The following EDA variants were observed in gnomAD, a reference collection of about 807,000 sequenced individuals.
The protein encoded by EDA is ectodysplasin-A.
A neutral mutation model predicts 23.6 loss-of-function variants in EDA; 2 were observed. The ratio of observed to expected loss-of-function variants is 0.08; its 90% CI spans 0.03 to 0.27. The LOEUF (loss-of-function observed/expected upper bound fraction) is 0.27, where lower values mean the gene tolerates loss of function less well. EDA is among the 10% of genes least tolerant of loss of function. EDA has a pLI of 1.00. For synonymous variants in EDA, 131 were observed against 132.0 expected (o/e 0.99, Z 0.05); for missense variants, 229 against 324.2 (o/e 0.71, Z 2.26).
intron 1 of EDA, among the ~76,000 whole-genome samples, chrX:69,683,282 T>C (rs966497941): frequency 9.0e-6 from 1 of 111,490 alleles, no homozygotes; most frequent in African/African-American, 3.3e-5. Flanking sequence ...TCTGCTTTGT[T>C]TACTGTTCTA....
intron 1 of EDA, among the ~76,000 whole-genome samples, chrX:69,881,534 A>G (rs772322300): frequency 3.6e-5 from 4 of 111,612 alleles, no homozygotes; most frequent in African/African-American, 1.3e-4. Context: ...CCCAGTTGCC[A>G]TAGTTGCTTA....
chrX:69,770,667 G>T (rs2014604050), intron 1 of EDA, among the ~76,000 whole-genome samples: 1 of 111,265 alleles, frequency 9.0e-6, no homozygotes, highest in Admixed American at 9.6e-5. Flanking sequence ...TTCTCCCAGT[G>T]TGTAGCTTGT....
chrX:69,712,507 T>C (rs1008160860), intron 1 of EDA, among the ~76,000 whole-genome samples: 2 of 111,213 alleles, frequency 1.8e-5, no homozygotes, highest in Admixed American at 9.6e-5. Flanking sequence ...AAAACCACAA[T>C]GAGATACCAT....
chrX:69,841,698 T>C (rs2016898619), intron 1 of EDA, among the ~76,000 whole-genome samples: 1 of 111,784 alleles, frequency 8.9e-6, no homozygotes, highest in South Asian at 3.7e-4. Context: ...ATAATCTCCA[T>C]TGAGAGCTGA....
chrX:70,033,995 A>T (rs1256348664), intron 7 of EDA, among the ~76,000 whole-genome samples: 2 of 111,312 alleles, frequency 1.8e-5, no homozygotes, highest in African/African-American at 6.5e-5. Context: ...AAGATTTCTG[A>T]CTGTCTTTCC....
At chrX:69,654,214 C>T (rs1286630619) in intron 1 of EDA, among the ~76,000 whole-genome samples, 1 of 111,825 alleles carries the variant, frequency 8.9e-6, no homozygotes, top group Non-Finnish European at 1.9e-5. Flanking sequence ...CATCACTGGC[C>T]ATCAGAGAAA....
At chrX:69,696,252 A>G (rs1179513207) in intron 1 of EDA, among the ~76,000 whole-genome samples, 1 of 110,542 alleles carries the variant, frequency 9.0e-6, no homozygotes, top group Non-Finnish European at 1.9e-5. Context: ...AAAAAAAAAA[A>G]CGTGGATCAA....
At chrX:69,648,153 T>C (rs1055812714) in intron 1 of EDA, among the ~76,000 whole-genome samples, 3 of 111,555 alleles carry the variant, frequency 2.7e-5, no homozygotes, top group Non-Finnish European at 3.8e-5. Context: ...CATTGTGAGG[T>C]CTTAGTCAGG....
intron 2 of EDA, among the ~76,000 whole-genome samples, chrX:70,008,947 A>AT (rs779252063): frequency 4.3e-3 from 480 of 111,660 alleles, no homozygotes; most frequent in Middle Eastern, 9.2e-3. Flanking sequence ...TGTCAATTCA[A>AT]TTTTTTTATT....
intron 1 of EDA, among the ~76,000 whole-genome samples, chrX:69,658,662 A>G (rs1012023492): frequency 9.0e-6 from 1 of 111,442 alleles, no homozygotes; most frequent in Non-Finnish European, 1.9e-5. Context: ...GCATGGTACT[A>G]AAGAGTTTAC....
chrX:69,834,991 A>T (rs949285608), intron 1 of EDA, among the ~76,000 whole-genome samples: 1 of 112,255 alleles, frequency 8.9e-6, no homozygotes, highest in African/African-American at 3.2e-5. Flanking sequence ...TTGGCTGGAT[A>T]TGAAATTCTG....
intron 1 of EDA, among the ~76,000 whole-genome samples, chrX:69,748,556 T>A (rs777021068): frequency 4.4e-4 from 49 of 111,178 alleles, no homozygotes; most frequent in South Asian, 7.6e-4. Flanking sequence ...ATACTTTTTT[T>A]AAAAAAAGAA....
Position 70,004,014 on chromosome X carries a change from C to T in EDA, c.503-19204C>T, listed in dbSNP as rs1259156445. 3.6e-5 allele frequency among the ~76,000 whole-genome samples: 4 copies of T among 111,967 alleles called. No homozygotes were observed. The East Asian group carries it at 1.1e-3, about 31-fold the overall frequency. On this transcript the variant is annotated intron_variant, in intron 2 of 7. Coordinates refer to ENST00000374552, the MANE Select transcript of EDA (RefSeq NM_001399.5). ...TTCTCCATCCTAACCACTAAAGTGACCAAAGACTAAGTGTTGCAGAATACT... is the reference window on the plus strand; with the variant it reads ...TTCTCCATCCTAACCACTAAAGTGATCAAAGACTAAGTGTTGCAGAATACT...
chrX:69,620,952 T>C (rs1351975507), intron 1 of EDA: 1 of 366,836 alleles, frequency 2.7e-6, no homozygotes, highest in Non-Finnish European at 5.4e-6. Context: ...CTTAGGTGAG[T>C]AAATAGTTCC....
chrX:69,667,411 C>A (rs1933724048), intron 1 of EDA, among the ~76,000 whole-genome samples: 1 of 111,068 alleles, frequency 9.0e-6, no homozygotes, highest in South Asian at 3.9e-4. Flanking sequence ...CCGTGCCTGG[C>A]CGTCTCTTTT....
At chrX:69,959,401 T>A (rs1358829409) in intron 2 of EDA, among the ~76,000 whole-genome samples, 1 of 111,975 alleles carries the variant, frequency 8.9e-6, no homozygotes, top group African/African-American at 3.2e-5. Context: ...TAGAACCATT[T>A]CTTTAGATGT....
chrX:69,742,948 G>A (rs1047007432), intron 1 of EDA: 1 of 110,735 alleles, frequency 9.0e-6, no homozygotes, highest in African/African-American at 3.3e-5. Context: ...CTACATCCTG[G>A]CTGTAAGTTA....
At chrX:69,912,207 T>C (rs1206212576) in intron 1 of EDA, among the ~76,000 whole-genome samples, 1 of 111,879 alleles carries the variant, frequency 8.9e-6, no homozygotes, top group Admixed American at 9.5e-5. Flanking sequence ...TCTAGATCTC[T>C]TGCTGTTTCC....
intron 1 of EDA, among the ~76,000 whole-genome samples, chrX:69,676,016 A>G (rs1337927463): frequency 9.0e-6 from 1 of 111,186 alleles, no homozygotes; most frequent in East Asian, 2.8e-4. Context: ...GGGGGAGAAC[A>G]TGAGTGTTCC....
Sources: allele counts gnomAD v4.1 joint callset (sites outside exome capture counted in the v4.1 genomes callset), GRCh38; gene constraint gnomAD v4.1.1; transcripts MANE v1.5; gene names NCBI Gene and HGNC (gene_info 2026-07-23, HGNC 2026-07-21).